PTPRK: variants seen among roughly 807,000 people sequenced by gnomAD.
PTPRK encodes the protein receptor-type tyrosine-protein phosphatase kappa.
A neutral mutation model predicts 178.0 loss-of-function variants in PTPRK; 75 were observed. The observed-to-expected ratio is 0.42, with a 90% CI of 0.35 to 0.51. The LOEUF (loss-of-function observed/expected upper bound fraction) is 0.51. Among genes scored for constraint, PTPRK ranks in the 20% least tolerant of loss-of-function variants. The probability of loss-of-function intolerance (pLI) is 0.02; values close to 1 mark genes in which losing one functional copy is unlikely to be tolerated. For synonymous variants in PTPRK, 637 were observed against 620.6 expected (o/e 1.03, Z -0.39); for missense variants, 1,441 against 1,797.8 (o/e 0.80, Z 3.59).
At chr6:128,227,638 A>G (rs1811583650) in intron 5 of PTPRK, among the ~76,000 whole-genome samples, 1 of 152,198 alleles carries the variant, frequency 6.6e-6, no homozygotes, top group African/African-American at 2.4e-5. Flanking sequence ...CCACATATAG[A>G]TTTTGTAAGA....
intron 1 of PTPRK, among the ~76,000 whole-genome samples, chr6:128,456,943 C>G (rs1347868113): frequency 6.6e-6 from 1 of 152,008 alleles, no homozygotes; most frequent in Non-Finnish European, 1.5e-5. Flanking sequence ...TTCTTAAAGA[C>G]TTATGTTTCA....
At chr6:128,217,120 T>C in intron 6 of PTPRK, among the ~76,000 whole-genome samples, 1 of 152,196 alleles carries the variant, frequency 6.6e-6, no homozygotes, top group African/African-American at 2.4e-5. Context: ...AAGGACACCT[T>C]CAGGCTTTCA....
At chr6:128,494,497 T>C (rs533589738) in intron 1 of PTPRK, among the ~76,000 whole-genome samples, 1 of 152,114 alleles carries the variant, frequency 6.6e-6, no homozygotes, top group Admixed American at 6.5e-5. Flanking sequence ...ACTTTGAAAC[T>C]GCTGCCCAAC....
At chr6:128,077,737 T>C (rs575366733) in intron 11 of PTPRK, among the ~76,000 whole-genome samples, 1 of 152,136 alleles carries the variant, frequency 6.6e-6, no homozygotes, top group South Asian at 2.1e-4. Context: ...TGGAAACTTG[T>C]TTAAGTTTTG....
chr6:128,181,728 T>G (rs1801941053), intron 7 of PTPRK, among the ~76,000 whole-genome samples: 1 of 152,104 alleles, frequency 6.6e-6, no homozygotes, highest in South Asian at 2.1e-4. Context: ...AGTAGTGGTA[T>G]TGGTAATTTC....
chr6:128,025,068 C>T (rs1177138687), intron 13 of PTPRK, among the ~76,000 whole-genome samples: 1 of 152,194 alleles, frequency 6.6e-6, no homozygotes, highest in Non-Finnish European at 1.5e-5. Flanking sequence ...ATAAATTCTA[C>T]AAAGCTGAAA....
chr6:128,393,484 C>T (rs768841003), intron 2 of PTPRK, among the ~76,000 whole-genome samples: 4 of 152,162 alleles, frequency 2.6e-5, no homozygotes, highest in Admixed American at 6.5e-5. Context: ...TACAGTGGGC[C>T]GCATCTTCTG....
intron 3 of PTPRK, among the ~76,000 whole-genome samples, chr6:128,273,853 CCTCA>C (rs1040633429): frequency 1.3e-5 from 2 of 152,068 alleles, no homozygotes; most frequent in African/African-American, 4.8e-5. Flanking sequence ...CATGCTTTCT[CCTCA>C]CTATCAAAAT....
intron 3 of PTPRK, among the ~76,000 whole-genome samples, chr6:128,263,205 C>T (rs1300637041): frequency 6.6e-6 from 1 of 152,124 alleles, no homozygotes; most frequent in Admixed American, 6.6e-5. Flanking sequence ...TGCTTCATGA[C>T]AGAGTTCTTG....
intron 2 of PTPRK, among the ~76,000 whole-genome samples, chr6:128,326,215 G>A (rs1274719845): frequency 2.0e-5 from 3 of 152,158 alleles, no homozygotes; most frequent in Non-Finnish European, 2.9e-5. Flanking sequence ...TGTAGACAAC[G>A]GGTTGACGAG....
intron 2 of PTPRK, among the ~76,000 whole-genome samples, chr6:128,355,746 T>C (rs1045028091): frequency 1.3e-5 from 2 of 152,098 alleles, no homozygotes; most frequent in Admixed American, 1.3e-4. Flanking sequence ...TGTATACATA[T>C]GTAACAAACC....
chr6:128,405,434 T>G (rs913848448), intron 1 of PTPRK, among the ~76,000 whole-genome samples: 4 of 152,230 alleles, frequency 2.6e-5, no homozygotes, highest in African/African-American at 9.6e-5. Flanking sequence ...TCTTTTCCTA[T>G]TTTTTATACT....
At chr6:128,380,363 T>C (rs1453169568) in intron 2 of PTPRK, among the ~76,000 whole-genome samples, 1 of 152,058 alleles carries the variant, frequency 6.6e-6, no homozygotes, top group African/African-American at 2.4e-5. Context: ...GACTTGGAGA[T>C]GAGCAAAGTG....
chr6:128,420,330 C>T (rs1386461114), intron 1 of PTPRK, among the ~76,000 whole-genome samples: 1 of 152,076 alleles, frequency 6.6e-6, no homozygotes, highest in Non-Finnish European at 1.5e-5. Context: ...AAACACAAGG[C>T]GGTAAACTGA....
chr6:128,251,068 C>CTTT (rs2128289147), intron 3 of PTPRK, among the ~76,000 whole-genome samples: 1 of 152,216 alleles, frequency 6.6e-6, no homozygotes, highest in Admixed American at 6.5e-5. Flanking sequence ...GTGAAAAGGC[C>CTTT]TTTAGTCAAG....
chr6:128,232,343 C>T (rs1310129434), intron 5 of PTPRK, among the ~76,000 whole-genome samples: 1 of 152,242 alleles, frequency 6.6e-6, no homozygotes, highest in Non-Finnish European at 1.5e-5. Context: ...AGACTCTATA[C>T]AGACTTCCCA....
chr6:128,060,183 A>G (rs1780575274), intron 13 of PTPRK, among the ~76,000 whole-genome samples: 2 of 152,216 alleles, frequency 1.3e-5, no homozygotes, highest in Admixed American at 6.5e-5. Flanking sequence ...ATAATTCAAA[A>G]TGCTGGGAAA....
chr6:128,308,121 G>T (rs561091861), intron 3 of PTPRK, among the ~76,000 whole-genome samples: 102 of 150,538 alleles, frequency 6.8e-4, no homozygotes, highest in African/African-American at 2.4e-3. Flanking sequence ...CATAAACCTG[G>T]ATATTGACTG....
intron 7 of PTPRK, among the ~76,000 whole-genome samples, chr6:128,154,012 T>C (rs926051130): frequency 2.0e-5 from 3 of 151,844 alleles, no homozygotes; most frequent in African/African-American, 7.2e-5. Context: ...TTCAGAAGCA[T>C]GTATTCTTTA....
Sources: allele counts gnomAD v4.1 joint callset (sites outside exome capture counted in the v4.1 genomes callset), GRCh38; gene constraint gnomAD v4.1.1; transcripts MANE v1.5; gene names NCBI Gene and HGNC (gene_info 2026-07-23, HGNC 2026-07-21).